HSD11B1: variants seen among roughly 807,000 people sequenced by gnomAD.
HSD11B1 encodes hydroxysteroid 11-beta dehydrogenase 1, also known as 11-beta-hydroxysteroid dehydrogenase 1.
Under a neutral mutation model 22.1 loss-of-function variants are expected in HSD11B1, and 15 were observed. The ratio of observed to expected loss-of-function variants is 0.68; its 90% CI spans 0.45 to 1.04. The LOEUF is 1.04. Ranked by LOEUF, HSD11B1 falls within the 50% of genes least tolerant of loss-of-function variation. The probability of loss-of-function intolerance (pLI) is 0.00; values close to 1 mark genes in which losing one functional copy is unlikely to be tolerated. For missense variants in HSD11B1, 281 were observed against 357.6 expected (o/e 0.79, Z 1.73); for synonymous variants, 122 against 125.2 (o/e 0.97, Z 0.17).
upstream of HSD11B1, among the ~76,000 whole-genome samples, chr1:209,704,068 A>T (rs1020787125): frequency 6.6e-6 from 1 of 152,040 alleles, no homozygotes; most frequent in African/African-American, 2.4e-5. Flanking sequence ...GCCTAATGCT[A>T]GTTCTTTTTT....
chr1:209,705,337 A>AATTGGGCT (rs953414612), intron 1 of HSD11B1, among the ~76,000 whole-genome samples: 1 of 149,918 alleles, frequency 6.7e-6, no homozygotes, highest in African/African-American at 2.5e-5. Context: ...CTCAGCAGCT[A>AATTGGGCT]ATTGGGCTCT....
At chr1:209,728,098 C>T (rs1294427323) in intron 4 of HSD11B1, among the ~76,000 whole-genome samples, 1 of 152,210 alleles carries the variant, frequency 6.6e-6, no homozygotes, top group Non-Finnish European at 1.5e-5. Context: ...TGTAGCTTTT[C>T]ACATTTTATA....
At chr1:209,699,657 C>T (rs1455317324) in intron 1 of HSD11B1, among the ~76,000 whole-genome samples, 1 of 152,146 alleles carries the variant, frequency 6.6e-6, no homozygotes, top group African/African-American at 2.4e-5. Flanking sequence ...TCATGCCTTC[C>T]CAACAGTCCC....
chr1:209,705,732 C>CA (rs2102370199), intron 1 of HSD11B1, 79 bp from the exon 2 acceptor site: 2 of 1,567,438 alleles, frequency 1.3e-6, no homozygotes, highest in South Asian at 2.2e-5. Context: ...TTGCGATAAG[C>CA]ATGCCTATAT....
At chr1:209,690,709 T>G (rs945586243) in intron 1 of HSD11B1, among the ~76,000 whole-genome samples, 1 of 151,854 alleles carries the variant, frequency 6.6e-6, no homozygotes, top group Non-Finnish European at 1.5e-5. Context: ...AAAAATTAAT[T>G]AATTAATTAA....
At position 209,707,058 on chromosome 1, in the gene HSD11B1, C is replaced by G. The variant is rs1381705960; in HGVS notation, c.447C>G (p.Val149=). Residue 149 remains valine, a synonymous_variant, in exon 4 of 6, where the codon GTC becomes GTG. Transcript: ENST00000367027. ...AAGTCAACTTCCTCAGTTACGTGGT[C>G]CTGACTGTAGCTGCCTTGCCCATGC... ...SMEVNFLSYV[V]LTVAALPMLK... is the part of the protein sequence containing the mutation. 1 of 1,613,996 alleles carries G rather than the reference C, an allele frequency of 6.2e-7. No individual in the cohort carries two copies. Among genetic ancestry groups the G allele is most frequent in the Non-Finnish European group, 8.5e-7 (1 of 1,179,910 alleles).
At chr1:209,718,074 T>C (rs1290078075) in intron 4 of HSD11B1, among the ~76,000 whole-genome samples, 1 of 152,060 alleles carries the variant, frequency 6.6e-6, no homozygotes, top group Non-Finnish European at 1.5e-5. Context: ...AGAATGATAG[T>C]TTACAGAGAC....
rs1553286745 is a variant in HSD11B1, at chr1:209,692,616, G to GGGC, written c.-49+6333_-49+6334insCGG. ...TCGGGTATTAAAATGGCGGGGGGGG[G>GGGC]GGTGGGGGCTCGGTTCTTGCTAAAT... On this transcript the variant is annotated intron_variant, in intron 1 of 6. Coordinates refer to the HSD11B1 transcript ENST00000261465. 8.1e-5 allele frequency among the ~76,000 whole-genome samples: 9 copies of GGGC among 110,530 alleles called. 2 individuals carry two copies. The East Asian group carries it at 9.1e-4, about 11-fold the overall frequency. 72.5% of individuals were successfully genotyped at this position (110,530 alleles called of 152,430 possible).
intron 4 of HSD11B1, among the ~76,000 whole-genome samples, chr1:209,729,395 A>ACACACAC (rs1558200095): frequency 8.6e-6 from 1 of 115,734 alleles, no homozygotes; most frequent in Non-Finnish European, 1.9e-5. Flanking sequence ...CACACACACA[A>ACACACAC]GTAAGTTAAA....
Position 209,720,332 on chromosome 1 carries a change from C to G in HSD11B1, c.518-12104C>G, listed in dbSNP as rs534838724. Among the ~76,000 whole-genome samples the G allele has an allele frequency of 6.6e-5, 10 of 152,126 alleles. No homozygotes were observed. In the South Asian group the frequency reaches 1.9e-3, roughly 28 times the overall value. ...TTGTGAACCTGCCAAAATGCATAAC[C>G]TGAATCAAATCATGAGGAAACACCG... On this transcript the variant is annotated intron_variant, in intron 4 of 5. Transcript: ENST00000367027.
chr1:209,714,413 T>G, intron 4 of HSD11B1, among the ~76,000 whole-genome samples: 1 of 152,244 alleles, frequency 6.6e-6, no homozygotes, highest in East Asian at 1.9e-4. Context: ...GGCAGGCACA[T>G]TGTTCATTCA....
chr1:209,697,642 GTGGTATGTACCTCTTT>G lies in HSD11B1; in HGVS notation c.-48-7250_-48-7235del, dbSNP rs555680847. 9.9e-5 allele frequency among the ~76,000 whole-genome samples: 15 copies of G among 152,238 alleles called. No homozygotes were observed. In the East Asian group the frequency reaches 2.9e-3, roughly 29 times the overall value. On this transcript the variant is annotated intron_variant, in intron 1 of 6. Transcript: ENST00000261465. ...GATGATTCCTCCACCCAGCTACCATGTGGTATGTACCTCTTTTGCCTTTTTGGGCTGTTTGTGGCCA... is the reference window on the plus strand; with the variant it reads ...GATGATTCCTCCACCCAGCTACCATGTGCCTTTTTGGGCTGTTTGTGGCCA...
At chr1:209,705,065 G>A in intron 1 of HSD11B1, 35 bp downstream of exon 1, 1 of 1,545,194 alleles carries the variant, frequency 6.5e-7, no homozygotes, top group Non-Finnish European at 8.9e-7. Context: ...GGAGGAATAG[G>A]TTTAAAAAAC....
At chr1:209,705,433 G>A (rs1228498022) in intron 1 of HSD11B1, among the ~76,000 whole-genome samples, 2 of 151,214 alleles carry the variant, frequency 1.3e-5, no homozygotes, top group African/African-American at 4.9e-5. Context: ...AAAATCCCTG[G>A]AATTTCTATG....
chr1:209,688,817 C>T (rs2076742652), intron 1 of HSD11B1, among the ~76,000 whole-genome samples: 1 of 152,080 alleles, frequency 6.6e-6, no homozygotes, highest in Non-Finnish European at 1.5e-5. Context: ...GCCACAAGGA[C>T]AAAAAGACTG....
intron 2 of HSD11B1, 53 bp downstream of exon 2, chr1:209,705,994 C>T (rs2076856613): frequency 1.9e-6 from 3 of 1,607,618 alleles, no homozygotes; most frequent in African/African-American, 2.7e-5. Flanking sequence ...CAGATGTGTT[C>T]TTATATATGC....
At chr1:209,725,834 G>T (rs933821638) in intron 4 of HSD11B1, among the ~76,000 whole-genome samples, 9 of 152,274 alleles carry the variant, frequency 5.9e-5, no homozygotes, top group African/African-American at 2.2e-4. Context: ...ATTTGCACAT[G>T]GTCCTTACGT....
intron 4 of HSD11B1, among the ~76,000 whole-genome samples, chr1:209,720,202 G>A (rs568396766): frequency 1.5e-4 from 23 of 152,048 alleles, no homozygotes; most frequent in African/African-American, 5.1e-4. Context: ...CCTGATAGAC[G>A]GCACCTGATT....
chr1:209,727,562 T>C (rs1286015868), intron 4 of HSD11B1, among the ~76,000 whole-genome samples: 2 of 152,188 alleles, frequency 1.3e-5, no homozygotes, highest in Non-Finnish European at 2.9e-5. Flanking sequence ...ATTTAACACA[T>C]GGCTCCTGGA....
Sources: gnomAD v4.1 joint callset for allele counts (sites outside exome capture counted in the v4.1 genomes callset) on GRCh38, gnomAD v4.1.1 for gene constraint, MANE v1.5 for transcripts, NCBI Gene and HGNC (gene_info 2026-07-23, HGNC 2026-07-21) for gene names.